The following EFHD1 variants were observed in gnomAD, a reference collection of about 807,000 sequenced individuals.
EFHD1 encodes the protein EF-hand domain family member D1, also known as EF-hand domain-containing protein D1.
Under a neutral mutation model 17.2 loss-of-function variants are expected in EFHD1, and 10 were observed. That is an observed-to-expected ratio of 0.58 (90% confidence interval 0.36 to 0.99). The LOEUF (loss-of-function observed/expected upper bound fraction) is 0.99. EFHD1 is among the 50% of genes least tolerant of loss of function. The probability of loss-of-function intolerance (pLI) is 0.01; values close to 1 mark genes in which losing one functional copy is unlikely to be tolerated. For missense variants in EFHD1, 310 were observed against 327.5 expected, an observed-to-expected ratio of 0.95 and a Z score of 0.41; for synonymous variants, 153 against 142.0, an observed-to-expected ratio of 1.08 and a Z score of -0.55.
intron 1 of EFHD1, among the ~76,000 whole-genome samples, chr2:232,634,583 G>C (rs192902518): frequency 2.0e-4 from 31 of 152,190 alleles, no homozygotes; most frequent in Non-Finnish European, 2.8e-4. Flanking sequence ...CGCGGGGAGG[G>C]GGGGCGGTTG....
intron 3 of EFHD1, among the ~76,000 whole-genome samples, chr2:232,674,586 A>G (rs1004604980): frequency 6.6e-6 from 1 of 152,206 alleles, no homozygotes; most frequent in Non-Finnish European, 1.5e-5. Context: ...AAAAATTCTT[A>G]CAGCTCGTTA....
At chr2:232,638,780 G>A (rs898057995) in intron 1 of EFHD1, among the ~76,000 whole-genome samples, 7 of 152,208 alleles carry the variant, frequency 4.6e-5, no homozygotes, top group Non-Finnish European at 8.8e-5. Flanking sequence ...AAAGGCAAGA[G>A]GTACTGACTT....
Position 232,651,522 on chromosome 2 carries a change from G to A in EFHD1, c.303-11280G>A, listed in dbSNP as rs369574906. ...AAGATAAGTGTTCCCCCTTCCCCCG[G>A]TGTGTTTGGCCCTGGACCCTACCTG... On this transcript the variant is annotated intron_variant, in intron 1 of 3. Coordinates refer to ENST00000264059, the MANE Select transcript of EFHD1 (RefSeq NM_025202.4). 1.4e-4 allele frequency among the ~76,000 whole-genome samples: 22 copies of A among 152,324 alleles called. No individual in the cohort carries two copies. In the East Asian group the frequency reaches 4.2e-3, roughly 29 times the overall value.
chr2:232,638,394 C>T (rs1335428216), intron 1 of EFHD1: 3 of 471,002 alleles, frequency 6.4e-6, no homozygotes, highest in African/African-American at 6.0e-5. Flanking sequence ...GGAAAGTTGT[C>T]TTTTTCTTAA....
intron 2 of EFHD1, 101 bp downstream of exon 2, chr2:232,663,050 C>T (rs1012379587): frequency 1.8e-5 from 24 of 1,316,070 alleles, no homozygotes; most frequent in African/African-American, 1.4e-4. Context: ...CTCTCCAGAG[C>T]GCTGTTTGCG....
chr2:232,677,239 CACGT>C lies in EFHD1; in HGVS notation c.586-4343_586-4340del, dbSNP rs1285112229. 1.1e-4 allele frequency among the ~76,000 whole-genome samples: 16 copies of C among 140,834 alleles called. 1 individual carries two copies. The highest frequency in any genetic ancestry group is 7.5e-4 in the Admixed American group (10 of 13,282). The allele number at this position is 140,834 out of a possible 152,430, so 92.4% of individuals were successfully genotyped here. On this transcript the variant is annotated intron_variant, in intron 3 of 3. Transcript: ENST00000264059. The stretch of plus-strand genomic sequence containing the variant: ...ACACACACACACACACACACACACA[CACGT>C]ACACACACACATCTTTCTATAACAC...
At chr2:232,631,486 C>CT (rs1694200266), upstream of EFHD1, among the ~76,000 whole-genome samples, 1 of 150,820 alleles carries the variant, frequency 6.6e-6, no homozygotes, top group Admixed American at 6.6e-5. Context: ...TTTATTTTAT[C>CT]TTTTTTTGTA....
chr2:232,640,161 C>G (rs146501793), intron 1 of EFHD1, among the ~76,000 whole-genome samples: 2 of 152,302 alleles, frequency 1.3e-5, no homozygotes, highest in Non-Finnish European at 2.9e-5. Context: ...TGAAACCTGA[C>G]CTGTGGTCAA....
At chr2:232,675,640 C>G (rs116765935) in intron 3 of EFHD1, among the ~76,000 whole-genome samples, 1 of 152,110 alleles carries the variant, frequency 6.6e-6, no homozygotes, top group Non-Finnish European at 1.5e-5. Flanking sequence ...AGGGCCTTGA[C>G]GTGATCGGGG....
At chr2:232,633,455 G>A (rs1694241221), upstream of EFHD1, 1 of 1,210,226 alleles carries the variant, frequency 8.3e-7, no homozygotes, top group African/African-American at 1.6e-5. Context: ...TCCGGGACGC[G>A]CAGACACCCA....
chr2:232,615,849 G>A (rs1251572411), intron 1 of EFHD1, among the ~76,000 whole-genome samples: 3 of 151,640 alleles, frequency 2.0e-5, no homozygotes, highest in South Asian at 2.1e-4. Context: ...CACCAGGCCC[G>A]GCTAATTTTG....
chr2:232,629,629 C>A (rs867694595), upstream of EFHD1, among the ~76,000 whole-genome samples: 1 of 151,956 alleles, frequency 6.6e-6, no homozygotes, highest in African/African-American at 2.4e-5. Flanking sequence ...TCACCACGCC[C>A]GGCTAACGGT....
chr2:232,609,185 G>A (rs1473442543), intron 1 of EFHD1, among the ~76,000 whole-genome samples: 2 of 147,734 alleles, frequency 1.4e-5, no homozygotes, highest in Non-Finnish European at 3.0e-5. Context: ...TCAGCCTCCC[G>A]AGTTATTGGG....
At chr2:232,644,323 T>C (rs1694486614) in intron 1 of EFHD1, among the ~76,000 whole-genome samples, 1 of 152,050 alleles carries the variant, frequency 6.6e-6, no homozygotes, top group Non-Finnish European at 1.5e-5. Flanking sequence ...TGATTTCGTC[T>C]CCTCTTAGAA....
intron 1 of EFHD1, among the ~76,000 whole-genome samples, chr2:232,621,526 C>T (rs1694018012): frequency 1.3e-5 from 2 of 152,144 alleles, no homozygotes; most frequent in South Asian, 4.1e-4. Flanking sequence ...AATCTCAGCT[C>T]ACTGCAACCT....
chr2:232,643,445 T>C (rs956345116), intron 1 of EFHD1, among the ~76,000 whole-genome samples: 5 of 152,154 alleles, frequency 3.3e-5, no homozygotes, highest in Non-Finnish European at 5.9e-5. Flanking sequence ...TCTTGCTCTG[T>C]CACCCAGGCT....
chr2:232,627,035 T>C lies in EFHD1; in HGVS notation c.14+20862T>C, dbSNP rs13016052. Among the ~76,000 whole-genome samples the C allele has an allele frequency of 2.8e-4, 17 of 61,662 alleles. No homozygotes were observed. In the South Asian group the frequency reaches 0.01, roughly 38 times the overall value. 40.5% of individuals were successfully genotyped at this position (61,662 alleles called of 152,430 possible). On this transcript the variant is annotated intron_variant, in intron 1 of 3. Coordinates refer to the EFHD1 transcript ENST00000409613. The stretch of plus-strand genomic sequence containing the variant: ...TCCTGTCTCTCTCTCTCTCTCTCTC[T>C]CTATATATATATATATATATATATA...
chr2:232,655,053 C>T (rs142590434), intron 1 of EFHD1, among the ~76,000 whole-genome samples: 19 of 152,312 alleles, frequency 1.2e-4, no homozygotes, highest in South Asian at 2.1e-4. Flanking sequence ...AAATGATTGG[C>T]GTGTCATATG....
At chr2:232,649,686 C>T (rs572443404) in intron 1 of EFHD1, among the ~76,000 whole-genome samples, 3 of 152,280 alleles carry the variant, frequency 2.0e-5, no homozygotes, top group Non-Finnish European at 4.4e-5. Flanking sequence ...CTTTGGGCCC[C>T]TCGACCACTC....
Sources: gnomAD v4.1 joint callset for allele counts (sites outside exome capture counted in the v4.1 genomes callset) on GRCh38, gnomAD v4.1.1 for gene constraint, MANE v1.5 for transcripts, NCBI Gene and HGNC (gene_info 2026-07-23, HGNC 2026-07-21) for gene names.